Variants in PLCL2 observed in about 807,000 individuals in gnomAD.
PLCL2 encodes the protein phospholipase C like 2, also known as inactive phospholipase C-like protein 2.
In PLCL2, 4 loss-of-function variants were observed where a neutral mutation model predicts 79.6. The ratio of observed to expected loss-of-function variants is 0.05; its 90% CI spans 0.02 to 0.11. PLCL2 has a LOEUF of 0.11. Ranked by LOEUF, PLCL2 falls within the 10% of genes least tolerant of loss-of-function variation. The pLI is 1.00. For synonymous variants in PLCL2, 484 were observed against 457.7 expected, an observed-to-expected ratio of 1.06 and a Z score of -0.73; for missense variants, 895 against 1,291.0, an observed-to-expected ratio of 0.69 and a Z score of 4.70.
intron 3 of PLCL2, among the ~76,000 whole-genome samples, chr3:17,039,440 A>G (rs1287672557): frequency 6.6e-6 from 1 of 152,238 alleles, no homozygotes; most frequent in African/African-American, 2.4e-5. Flanking sequence ...TCTTAGACTC[A>G]AGGAGAATTT....
intron 1 of PLCL2, among the ~76,000 whole-genome samples, chr3:16,934,164 A>G (rs549148481): frequency 1.3e-5 from 2 of 152,202 alleles, no homozygotes; most frequent in Non-Finnish European, 2.9e-5. Context: ...AGGTCATGCA[A>G]TGATAGAAGT....
chr3:16,885,289 AC>A lies in PLCL2; in HGVS notation c.255del (p.Ser86AlafsTer87). The A allele has an allele frequency of 4.6e-6, 3 of 659,224 alleles. No individual in the cohort carries two copies. Among genetic ancestry groups the A allele is most frequent in the Non-Finnish European group, 5.5e-6 (2 of 364,870 alleles). 40.8% of individuals were successfully genotyped at this position (659,224 alleles called of 1,614,324 possible). A position where few individuals can be genotyped will look rare whatever the true frequency, so the allele number is the denominator to read the frequency against. Reference sequence around the variant, plus strand: ...ACCCCGCGGCGTTGCGCTCGCCCCGACCCCCAGCGCGGTCGTCTGTACCCTC... The same window carrying A: ...ACCCCGCGGCGTTGCGCTCGCCCCGACCCCAGCGCGGTCGTCTGTACCCTC... ...RGPRGVALAPTPSAVVCTLPR... is the reference protein window; with the variant it reads ...RGPRGVALAPXPSAVVCTLPR... On this transcript the variant is annotated frameshift_variant, in exon 1 of 6. Coordinates refer to ENST00000615277, the MANE Select transcript of PLCL2 (RefSeq NM_001144382.2). LOFTEE classifies it high-confidence loss of function.
intron 4 of PLCL2, among the ~76,000 whole-genome samples, chr3:17,060,943 TTG>T (rs1344777108): frequency 6.6e-6 from 1 of 152,140 alleles, no homozygotes; most frequent in Non-Finnish European, 1.5e-5. Context: ...TTTATACTGG[TTG>T]TGTTTGTGAG....
chr3:17,084,459 AC>A (rs1425273645), intron 5 of PLCL2, among the ~76,000 whole-genome samples: 1 of 152,188 alleles, frequency 6.6e-6, no homozygotes, highest in Non-Finnish European at 1.5e-5. Flanking sequence ...TTAATACCAA[AC>A]CAAAGACATT....
chr3:16,999,690 T>C (rs2064187695), intron 1 of PLCL2, among the ~76,000 whole-genome samples: 1 of 152,202 alleles, frequency 6.6e-6, no homozygotes, highest in Non-Finnish European at 1.5e-5. Flanking sequence ...AACTAGAAAG[T>C]TGATAAACTA....
chr3:17,026,262 T>C (rs1215591392), intron 3 of PLCL2, among the ~76,000 whole-genome samples: 1 of 152,180 alleles, frequency 6.6e-6, no homozygotes, highest in Non-Finnish European at 1.5e-5. Flanking sequence ...GTAGACAACA[T>C]GATGTGTTAA....
chr3:16,969,280 T>G (rs2063835055), intron 1 of PLCL2, among the ~76,000 whole-genome samples: 1 of 152,162 alleles, frequency 6.6e-6, no homozygotes, highest in Non-Finnish European at 1.5e-5. Context: ...AAGGAGTCAC[T>G]CCTCCTCAGT....
intron 4 of PLCL2, among the ~76,000 whole-genome samples, chr3:17,061,432 GTTAAT>G (rs2064952826): frequency 6.6e-6 from 1 of 152,100 alleles, no homozygotes; most frequent in South Asian, 2.1e-4. Flanking sequence ...AATGTTCTGA[GTTAAT>G]TTAATTATGC....
rs1395657300 is a variant in PLCL2 at position 16,917,560 on chromosome 3, G to A, written c.327+32194G>A. ...GATGGCTTCCATACTCACATGTTGG[G>A]TACCTTTGCAGGGATAGCAGGACTG... On this transcript the variant is annotated intron_variant, in intron 1 of 5. Coordinates refer to ENST00000615277, the MANE Select transcript of PLCL2 (RefSeq NM_001144382.2). Among the ~76,000 whole-genome samples, 5 of 152,276 alleles carry A rather than the reference G, an allele frequency of 3.3e-5. No homozygotes were observed. The East Asian group carries it at 9.6e-4, about 29-fold the overall frequency.
intron 1 of PLCL2, among the ~76,000 whole-genome samples, chr3:17,008,449 AG>A (rs1196284954): frequency 2.0e-5 from 3 of 151,966 alleles, no homozygotes; most frequent in African/African-American, 4.8e-5. Flanking sequence ...TAGCCCAAGT[AG>A]TCAGGAAATG....
intron 3 of PLCL2, among the ~76,000 whole-genome samples, chr3:17,029,962 A>T (rs1216275642): frequency 6.6e-6 from 1 of 152,208 alleles, no homozygotes; most frequent in East Asian, 1.9e-4. Context: ...GTATATTCAC[A>T]GACCACCCAG....
At chr3:17,018,715 G>A (rs898665842) in intron 3 of PLCL2, among the ~76,000 whole-genome samples, 2 of 152,078 alleles carry the variant, frequency 1.3e-5, no homozygotes, top group Middle Eastern at 3.2e-3. Context: ...TGTCACGTTT[G>A]GTTGTTTTGA....
intron 1 of PLCL2, among the ~76,000 whole-genome samples, chr3:16,897,616 G>C (rs984002693): frequency 6.6e-6 from 1 of 152,240 alleles, no homozygotes; most frequent in African/African-American, 2.4e-5. Flanking sequence ...TTATAAATCG[G>C]CACTTGCCAG....
At chr3:17,003,267 C>T (rs1283119920) in intron 1 of PLCL2, among the ~76,000 whole-genome samples, 1 of 152,048 alleles carries the variant, frequency 6.6e-6, no homozygotes. Context: ...TCTCTTCTTC[C>T]AGGTCATTAG....
At position 17,010,724 on chromosome 3, in the gene PLCL2, A is replaced by G; in HGVS notation, c.1378A>G (p.Ile460Val). Residue 460 changes from isoleucine to valine, a missense_variant, in exon 2 of 6, where the codon ATT (isoleucine) becomes GTT (valine). Ile to Val is a conservative substitution (Grantham distance 29). This residue lies in a region of PLCL2 where 242 missense variants were observed against 399.5 expected (regional missense o/e 0.61). Transcript: ENST00000615277. This position sits in a 1 kb window ranked among gnomAD's most constrained non-coding sequence, Gnocchi z 5.8. The part of the protein sequence containing the change: ...FRGPSDITGY[I>V]RALKMGCRSV... ...AGGTCCCTCCGACATCACAGGATAT[A>G]TTCGAGCTCTTAAAATGGGTTGCCG... 6.2e-7 allele frequency: 1 copy of G among 1,614,176 alleles called. No individual in the cohort carries two copies. The highest frequency in any genetic ancestry group is 8.5e-7 in the Non-Finnish European group (1 of 1,180,018).
chr3:16,929,544 C>T (rs982717593), intron 1 of PLCL2, among the ~76,000 whole-genome samples: 3 of 152,144 alleles, frequency 2.0e-5, no homozygotes, highest in African/African-American at 7.2e-5. Flanking sequence ...GAACAGCAGC[C>T]ATTGGCTCTC....
chr3:17,018,218 A>G (rs1249979279), intron 3 of PLCL2, among the ~76,000 whole-genome samples: 2 of 152,154 alleles, frequency 1.3e-5, no homozygotes, highest in Admixed American at 1.3e-4. Context: ...CCTGGGGCAC[A>G]CAGATGACCC....
chr3:16,970,054 A>ATTTTTT (rs1255921478), intron 1 of PLCL2, among the ~76,000 whole-genome samples: 1 of 130,430 alleles, frequency 7.7e-6, no homozygotes, highest in Non-Finnish European at 1.7e-5. Flanking sequence ...ATATATATAT[A>ATTTTTT]TATATTTTAT....
At chr3:16,906,992 A>G (rs1696767215) in intron 1 of PLCL2, among the ~76,000 whole-genome samples, 1 of 152,226 alleles carries the variant, frequency 6.6e-6, no homozygotes, top group African/African-American at 2.4e-5. Context: ...TCATTCTTAT[A>G]ACTTCTGAAT....
Sources: allele counts gnomAD v4.1 joint callset (sites outside exome capture counted in the v4.1 genomes callset), GRCh38; gene constraint gnomAD v4.1.1; regional missense constraint gnomAD v4.1.1; non-coding constraint Gnocchi (gnomAD v3.1); transcripts MANE v1.5; gene names NCBI Gene and HGNC (gene_info 2026-07-23, HGNC 2026-07-21).